PACSIN1: variants seen among roughly 807,000 people sequenced by gnomAD.
The protein encoded by PACSIN1 is protein kinase C and casein kinase substrate in neurons protein 1.
PACSIN1 carries 15 observed loss-of-function variants against 59.5 expected under a neutral mutation model. The ratio of observed to expected loss-of-function variants is 0.25; its 90% CI spans 0.17 to 0.39. The LOEUF (loss-of-function observed/expected upper bound fraction) is 0.39. Among genes scored for constraint, PACSIN1 ranks in the 10% least tolerant of loss-of-function variants. The pLI, the probability that PACSIN1 is intolerant of heterozygous loss-of-function variation, is 1.00. For missense variants in PACSIN1, 420 were observed against 580.2 expected, an observed-to-expected ratio of 0.72 and a Z score of 2.84; for synonymous variants, 210 against 220.6, an observed-to-expected ratio of 0.95 and a Z score of 0.42.
At chr6:34,499,500 T>C (rs905780275) in intron 1 of PACSIN1, among the ~76,000 whole-genome samples, 6 of 151,630 alleles carry the variant, frequency 4.0e-5, no homozygotes, top group African/African-American at 1.5e-4. Context: ...CTTGGAAGAA[T>C]ATATAGGGAC....
intron 1 of PACSIN1, among the ~76,000 whole-genome samples, chr6:34,472,487 A>T (rs527862866): frequency 6.6e-6 from 1 of 152,242 alleles, no homozygotes; most frequent in South Asian, 2.1e-4. Flanking sequence ...TGCTGTTTGC[A>T]TTTTATAAAC....
chr6:34,474,464 A>G (rs1285481902), intron 1 of PACSIN1, among the ~76,000 whole-genome samples: 61 of 152,066 alleles, frequency 4.0e-4, no homozygotes, highest in Admixed American at 3.9e-3. Context: ...AAGCTCTTCA[A>G]TGACTCCCCT....
intron 1 of PACSIN1, among the ~76,000 whole-genome samples, chr6:34,493,161 A>G (rs1343518854): frequency 6.6e-6 from 1 of 152,224 alleles, no homozygotes; most frequent in East Asian, 1.9e-4. Flanking sequence ...GGAGGGGGCC[A>G]GCAAGAGGAG....
chr6:34,493,621 T>C (rs1479106672), intron 1 of PACSIN1, among the ~76,000 whole-genome samples: 1 of 152,258 alleles, frequency 6.6e-6, no homozygotes, highest in Non-Finnish European at 1.5e-5. Flanking sequence ...CAGACATCAC[T>C]GATTCTGTTG....
chr6:34,527,364 C>T lies in PACSIN1; in HGVS notation c.96C>T (p.Ile32=). 1.9e-6 allele frequency: 3 copies of T among 1,593,524 alleles called. No individual in the cohort carries two copies. The East Asian group carries it at 6.9e-5, about 37-fold the overall frequency. The change falls in exon 3 of 10, where the codon ATC becomes ATT. Residue 32 remains isoleucine (I), a synonymous_variant. Coordinates refer to ENST00000244458, the MANE Select transcript of PACSIN1 (RefSeq NM_020804.5). ...VGNYKRTVKR[I]DDGHRLCNDL... ...ACTACAAGCGGACCGTGAAGCGCAT[C>T]GATGACGGCCACCGTCTATGCAACG... is the stretch of plus-strand genomic sequence containing the variant.
At chr6:34,479,499 C>T (rs1372313031) in intron 1 of PACSIN1, among the ~76,000 whole-genome samples, 4 of 152,216 alleles carry the variant, frequency 2.6e-5, no homozygotes, top group African/African-American at 7.2e-5. Flanking sequence ...TGCAATGGCA[C>T]GATCTTGGCC....
chr6:34,498,502 T>A (rs1766979295), intron 1 of PACSIN1, among the ~76,000 whole-genome samples: 1 of 151,960 alleles, frequency 6.6e-6, no homozygotes, highest in Non-Finnish European at 1.5e-5. Flanking sequence ...CTTGAGGAGT[T>A]TTAAAAGTGT....
intron 1 of PACSIN1, among the ~76,000 whole-genome samples, chr6:34,498,127 T>C (rs1333371444): frequency 6.6e-6 from 1 of 152,196 alleles, no homozygotes; most frequent in Non-Finnish European, 1.5e-5. Context: ...AGTGGCACGA[T>C]CTCGGCTCAT....
In PACSIN1 at chr6:34,516,382, G is replaced by A. The variant is rs1276297665; in HGVS notation, c.-63-9861G>A. On this transcript the variant is annotated intron_variant, in intron 1 of 9. Coordinates refer to ENST00000244458, the MANE Select transcript of PACSIN1 (RefSeq NM_020804.5). This position sits in a 1 kb window ranked among gnomAD's most constrained non-coding sequence, Gnocchi z 5.4. ...CAAGGGCCTAGGAGGGAGAAGGGCA[G>A]GTCTCGGGGATGGCAGAAACGGGAT... is the stretch of plus-strand genomic sequence containing the variant. Among the ~76,000 whole-genome samples the A allele has an allele frequency of 6.6e-6, 1 of 152,222 alleles. No homozygotes were observed. The highest frequency in any genetic ancestry group is 1.5e-5 in the Non-Finnish European group (1 of 68,024).
intron 1 of PACSIN1, among the ~76,000 whole-genome samples, chr6:34,506,230 T>C (rs1395401093): frequency 6.6e-6 from 1 of 152,148 alleles, no homozygotes; most frequent in Non-Finnish European, 1.5e-5. Context: ...CCTTTTTTAT[T>C]TTTTTGAGAC....
chr6:34,504,659 T>A (rs924695661), intron 1 of PACSIN1, among the ~76,000 whole-genome samples: 1 of 152,198 alleles, frequency 6.6e-6, no homozygotes, highest in African/African-American at 2.4e-5. Flanking sequence ...AAGTTGATCA[T>A]ATTTACCCGT....
At chr6:34,476,318 C>T (rs1299654187) in intron 1 of PACSIN1, among the ~76,000 whole-genome samples, 1 of 152,186 alleles carries the variant, frequency 6.6e-6, no homozygotes, top group African/African-American at 2.4e-5. Flanking sequence ...CTTGCAGCTC[C>T]CAGCCGATGT....
chr6:34,529,258 C>A lies in PACSIN1; in HGVS notation c.457-139C>A. The A allele has an allele frequency of 1.1e-6, 1 of 881,556 alleles. No individual in the cohort carries two copies. The highest frequency in any genetic ancestry group is 1.7e-6 in the Non-Finnish European group (1 of 577,152). 54.6% of individuals were successfully genotyped at this position (881,556 alleles called of 1,614,324 possible). A position where few individuals can be genotyped will look rare whatever the true frequency, so the allele number is the denominator to read the frequency against. On this transcript the variant is annotated intron_variant, in intron 4 of 9. Coordinates refer to ENST00000244458, the MANE Select transcript of PACSIN1 (RefSeq NM_020804.5). The surrounding 1 kb of genome is among the most constrained non-coding windows in gnomAD (Gnocchi z 6.3). ...AGCGCTGCTCCCGAACACCTGGAGC[C>A]AGGGCCTGCATCCCTTCTGGCTCTT...
rs1334960674 is a variant in PACSIN1 at position 34,514,127 on chromosome 6, T to C, written c.-63-12116T>C. 2.0e-5 allele frequency among the ~76,000 whole-genome samples: 3 copies of C among 152,180 alleles called. No homozygotes were observed. The highest frequency in any genetic ancestry group is 1.3e-4 in the Admixed American group (2 of 15,280). On this transcript the variant is annotated intron_variant, in intron 1 of 9. Transcript: ENST00000244458. This position sits in a 1 kb window ranked among gnomAD's most constrained non-coding sequence, Gnocchi z 4.4. ...ACTTGTGGAAATGCATGTGTGCAAA[T>C]ATATGTAATGGGCGTTTGTATCTGT... is the stretch of plus-strand genomic sequence containing the variant.
intron 1 of PACSIN1, among the ~76,000 whole-genome samples, chr6:34,524,867 G>A (rs1413638263): frequency 1.3e-5 from 2 of 152,174 alleles, no homozygotes; most frequent in Non-Finnish European, 2.9e-5. Context: ...TCCCATGAGG[G>A]AATGCCTCCA....
At chr6:34,507,913 G>C (rs957988798) in intron 1 of PACSIN1, among the ~76,000 whole-genome samples, 18 of 152,192 alleles carry the variant, frequency 1.2e-4, no homozygotes, top group Non-Finnish European at 2.6e-4. Flanking sequence ...TTATTCCACT[G>C]TGTGTATATA....
In PACSIN1 at chr6:34,488,269, T is replaced by C. The variant is rs141634736; in HGVS notation, c.-64+21999T>C. On this transcript the variant is annotated intron_variant, in intron 1 of 9. Coordinates refer to ENST00000244458, the MANE Select transcript of PACSIN1 (RefSeq NM_020804.5). The surrounding 1 kb of genome is among the most constrained non-coding windows in gnomAD (Gnocchi z 4.7). ...GAGCACCAAGAGATGTCCCAGGGAA[T>C]TACCTGGCTGCCAAGGCTATTATTC... 1.3e-5 allele frequency among the ~76,000 whole-genome samples: 2 copies of C among 152,222 alleles called. No individual in the cohort carries two copies. The highest frequency in any genetic ancestry group is 2.9e-5 in the Non-Finnish European group (2 of 68,008).
Position 34,488,922 on chromosome 6 carries a change from C to T in PACSIN1, c.-64+22652C>T, listed in dbSNP as rs377241440. 2.0e-5 allele frequency among the ~76,000 whole-genome samples: 3 copies of T among 152,118 alleles called. No homozygotes were observed. The highest frequency in any genetic ancestry group is 2.1e-4 in the South Asian group (1 of 4,808). ...TTGGCTGTGCGCAGTGGCTCACACCCGTAATCCTAATACTTTGGGAGGCCG... is the reference window on the plus strand; with the variant it reads ...TTGGCTGTGCGCAGTGGCTCACACCTGTAATCCTAATACTTTGGGAGGCCG... On this transcript the variant is annotated intron_variant, in intron 1 of 9. Coordinates refer to ENST00000244458, the MANE Select transcript of PACSIN1 (RefSeq NM_020804.5). The surrounding 1 kb of genome is among the most constrained non-coding windows in gnomAD (Gnocchi z 4.7).
intron 1 of PACSIN1, among the ~76,000 whole-genome samples, chr6:34,524,584 A>G (rs1172289977): frequency 6.6e-6 from 1 of 152,224 alleles, no homozygotes; most frequent in African/African-American, 2.4e-5. Flanking sequence ...ATTTAGGAGC[A>G]GAACTTCCAA....
Sources: gnomAD v4.1 joint callset for allele counts (sites outside exome capture counted in the v4.1 genomes callset) on GRCh38, gnomAD v4.1.1 for gene constraint, Gnocchi (gnomAD v3.1) non-coding constraint, MANE v1.5 for transcripts, NCBI Gene and HGNC (gene_info 2026-07-23, HGNC 2026-07-21) for gene names.